Variants in ASPH observed in about 807,000 individuals in gnomAD.
ASPH encodes aspartate beta-hydroxylase, also known as aspartyl/asparaginyl beta-hydroxylase.
A neutral mutation model predicts 118.4 loss-of-function variants in ASPH; 100 were observed. That is an observed-to-expected ratio of 0.84 (90% CI 0.72 to 1.00). The LOEUF is 1.00. Among genes scored for constraint, ASPH ranks in the 50% least tolerant of loss-of-function variants. The pLI is 0.00. For missense variants in ASPH, 920 were observed against 919.5 expected, an observed-to-expected ratio of 1.00 and a Z score of -0.01; for synonymous variants, 315 against 325.6, an observed-to-expected ratio of 0.97 and a Z score of 0.35.
At position 61,680,979 on chromosome 8, in the gene ASPH, T is replaced by C. The variant is rs746601152; in HGVS notation, c.311A>G (p.Lys104Arg). ...AAATGTGTACTTGCCTAATAAAACT[T>C]TGGCATCATCCACATCAAAATCTCC... ...GDGDFDVDDA[K>R]VLLGLKERST... The change falls in exon 3 of 25, where the codon AAA becomes AGA. Residue 104 changes from lysine (K) to arginine (R), a missense_variant. Coordinates refer to ENST00000379454, the MANE Select transcript of ASPH (RefSeq NM_004318.4). 18 of 1,603,422 alleles carry C rather than the reference T, an allele frequency of 1.1e-5. No individual in the cohort carries two copies. In the East Asian group the frequency reaches 1.6e-4, roughly 14 times the overall value.
At chr8:61,594,935 G>A (rs1288534431) in intron 14 of ASPH, among the ~76,000 whole-genome samples, 1 of 152,110 alleles carries the variant, frequency 6.6e-6, no homozygotes, top group African/African-American at 2.4e-5. Context: ...TCATTTGATT[G>A]TTTAGATGTC....
At chr8:61,710,332 G>A (rs1837773218) in intron 1 of ASPH, among the ~76,000 whole-genome samples, 1 of 152,138 alleles carries the variant, frequency 6.6e-6, no homozygotes, top group South Asian at 2.1e-4. Context: ...AGAGAGCTCA[G>A]GGGCTAAGTA....
At chr8:61,578,619 A>G in intron 15 of ASPH, 3 of 1,554,274 alleles carry the variant, frequency 1.9e-6, no homozygotes, top group Non-Finnish European at 2.6e-6. Context: ...GATGGCTCGG[A>G]GCAACATGGA....
chr8:61,563,709 A>C (rs1830726233), intron 17 of ASPH, among the ~76,000 whole-genome samples: 1 of 152,176 alleles, frequency 6.6e-6, no homozygotes, highest in Admixed American at 6.5e-5. Flanking sequence ...TTCCAACCAG[A>C]ACCCTAGTCA....
chr8:61,620,877 A>T (rs1284206702), intron 13 of ASPH, among the ~76,000 whole-genome samples: 1 of 152,232 alleles, frequency 6.6e-6, no homozygotes, highest in Non-Finnish European at 1.5e-5. Flanking sequence ...AGGGCTCTCC[A>T]CAGATCTTCC....
intron 21 of ASPH, among the ~76,000 whole-genome samples, chr8:61,544,777 T>C (rs1823185474): frequency 6.6e-6 from 1 of 152,218 alleles, no homozygotes; most frequent in South Asian, 2.1e-4. Context: ...ACATGGTCCC[T>C]GTCATCTTAG....
At chr8:61,710,892 C>G (rs141495199) in intron 1 of ASPH, among the ~76,000 whole-genome samples, 83 of 152,246 alleles carry the variant, frequency 5.5e-4, no homozygotes, top group African/African-American at 1.6e-3. Flanking sequence ...AAGTGTGTTT[C>G]TAAATGACAA....
intron 22 of ASPH, among the ~76,000 whole-genome samples, chr8:61,519,080 G>C (rs1812001268): frequency 6.6e-6 from 1 of 152,162 alleles, no homozygotes; most frequent in Admixed American, 6.5e-5. Flanking sequence ...TATTACAGTA[G>C]TATAATCTGT....
chr8:61,614,768 G>C (rs1464724734), intron 14 of ASPH, among the ~76,000 whole-genome samples: 1 of 152,032 alleles, frequency 6.6e-6, no homozygotes, highest in Non-Finnish European at 1.5e-5. Context: ...GAGATTATAG[G>C]CATTAGCCAC....
intron 24 of ASPH, among the ~76,000 whole-genome samples, chr8:61,507,354 G>A (rs546213940): frequency 6.6e-6 from 1 of 152,174 alleles, no homozygotes; most frequent in Non-Finnish European, 1.5e-5. Context: ...CTGTTTCAGG[G>A]TCATAAAACT....
At chr8:61,563,142 A>C (rs1457269050) in intron 17 of ASPH, among the ~76,000 whole-genome samples, 4 of 151,898 alleles carry the variant, frequency 2.6e-5, no homozygotes, top group African/African-American at 9.7e-5. Flanking sequence ...AGCAATGTTT[A>C]CCATTTTATG....
In ASPH at chr8:61,505,060, C is replaced by T. The variant is rs190749344; in HGVS notation, c.2127-1551G>A. Among the ~76,000 whole-genome samples, 53 of 152,218 alleles carry T rather than the reference C, an allele frequency of 3.5e-4. No individual in the cohort carries two copies. In the East Asian group the frequency reaches 6.8e-3, roughly 19 times the overall value. ...ATTCCCACATGCTGTGGGAAGGACC[C>T]GATGAGAGATAATTTGAATCATGGG... On this transcript the variant is annotated intron_variant, in intron 24 of 24. Coordinates refer to ENST00000379454, the MANE Select transcript of ASPH (RefSeq NM_004318.4).
intron 12 of ASPH, 52 bp downstream of exon 12, chr8:61,637,891 TAAAC>T (rs1216282454): frequency 9.3e-6 from 14 of 1,506,384 alleles, no homozygotes; most frequent in Non-Finnish European, 1.2e-5. Flanking sequence ...AATAACTGAA[TAAAC>T]AAACACAATT....
chr8:61,661,986 G>C, intron 3 of ASPH: 1 of 415,128 alleles, frequency 2.4e-6, no homozygotes, highest in Non-Finnish European at 4.3e-6. Flanking sequence ...GGCTACCAAT[G>C]ACGTTAGGAA....
chr8:61,699,548 A>G (rs1834748553), intron 1 of ASPH, among the ~76,000 whole-genome samples: 1 of 152,222 alleles, frequency 6.6e-6, no homozygotes, highest in Non-Finnish European at 1.5e-5. Context: ...ATTCTAATTC[A>G]CAAAATCTCG....
intron 14 of ASPH, among the ~76,000 whole-genome samples, chr8:61,599,164 A>G (rs777556658): frequency 6.6e-6 from 1 of 152,150 alleles, no homozygotes; most frequent in Admixed American, 6.6e-5. Flanking sequence ...TAAACAAAAT[A>G]GGGACTAAAA....
intron 13 of ASPH, among the ~76,000 whole-genome samples, chr8:61,620,209 T>C (rs1850435015): frequency 6.6e-6 from 1 of 152,196 alleles, no homozygotes; most frequent in South Asian, 2.1e-4. Context: ...GCTAAGCACA[T>C]CATTTATGAA....
intron 15 of ASPH, among the ~76,000 whole-genome samples, 196 bp downstream of exon 15, chr8:61,583,748 T>C (rs1215768302): frequency 6.6e-6 from 1 of 152,128 alleles, no homozygotes; most frequent in Admixed American, 6.5e-5. Flanking sequence ...AAAGTTCTAT[T>C]TCTCTTTGGC....
At chr8:61,577,421 A>AAAAAAAAAAAAAAAAC (rs1197809235) in intron 15 of ASPH, among the ~76,000 whole-genome samples, 2 of 148,262 alleles carry the variant, frequency 1.3e-5, no homozygotes, top group South Asian at 2.1e-4. Context: ...AAAAAAAAAA[A>AAAAAAAAAAAAAAAAC]AAGACAAGAC....
Sources: allele counts gnomAD v4.1 joint callset (sites outside exome capture counted in the v4.1 genomes callset), GRCh38; gene constraint gnomAD v4.1.1; transcripts MANE v1.5; gene names NCBI Gene and HGNC (gene_info 2026-07-23, HGNC 2026-07-21).